The following IQCM variants were observed in gnomAD, a reference collection of about 807,000 sequenced individuals.
The protein encoded by IQCM is IQ domain-containing protein M.
Under a neutral mutation model 57.6 loss-of-function variants are expected in IQCM, and 45 were observed. That is an observed-to-expected ratio of 0.78 (90% CI 0.62 to 1.00). The LOEUF (loss-of-function observed/expected upper bound fraction) is 1.00, where lower values mean the gene tolerates loss of function less well. IQCM is among the 50% of genes least tolerant of loss of function. IQCM has a pLI of 0.00. For missense variants in IQCM, 468 were observed against 511.6 expected (o/e 0.91, Z 0.82); for synonymous variants, 148 against 158.9 (o/e 0.93, Z 0.51).
chr4:149,475,971 G>C lies in IQCM; in HGVS notation c.1229-42414C>G, dbSNP rs144075428. On this transcript the variant is annotated intron_variant, in intron 12 of 13. Transcript: ENST00000636793. The stretch of plus-strand genomic sequence containing the variant: ...GAGCGTGGATGACTCTTTCAAGAAA[G>C]TTTTGCTGCAAAAGAAGTGGCAGAT... Among the ~76,000 whole-genome samples the C allele has an allele frequency of 1.9e-3, 292 of 152,248 alleles. 2 individuals carry two copies. Among genetic ancestry groups the C allele is most frequent in the Middle Eastern group, 0.01 (3 of 294 alleles).
intron 13 of IQCM, among the ~76,000 whole-genome samples, chr4:149,353,892 A>G (rs1362220769): frequency 1.3e-5 from 2 of 152,150 alleles, no homozygotes; most frequent in Non-Finnish European, 2.9e-5. Context: ...ATACAATTGT[A>G]CCGTATTTGG....
chr4:149,764,684 A>G (rs1769869378), intron 2 of IQCM, among the ~76,000 whole-genome samples: 1 of 152,108 alleles, frequency 6.6e-6, no homozygotes, highest in Admixed American at 6.6e-5. Context: ...GGACAAAGGG[A>G]AAGTTTCCCC....
In IQCM at chr4:149,528,687, G is replaced by C. The variant is rs376778118; in HGVS notation, c.1228+19768C>G. On this transcript the variant is annotated intron_variant, in intron 12 of 13. Transcript: ENST00000636793. Reference sequence around the variant, plus strand: ...CTGGGTACAGAAAATGAGTATAAAAGTGTGAACATTGATGGAGGACTCCCC... The same window carrying C: ...CTGGGTACAGAAAATGAGTATAAAACTGTGAACATTGATGGAGGACTCCCC... Among the ~76,000 whole-genome samples the C allele has an allele frequency of 7.2e-4, 109 of 152,174 alleles. 4 individuals are homozygous for C. In the South Asian group the frequency reaches 0.022, roughly 31 times the overall value.
intron 2 of IQCM, among the ~76,000 whole-genome samples, chr4:149,764,182 A>C (rs1292374471): frequency 6.6e-6 from 1 of 152,104 alleles, no homozygotes; most frequent in Non-Finnish European, 1.5e-5. Flanking sequence ...GGTCCGTCTA[A>C]CCTTGTCTTA....
chr4:149,395,059 A>G (rs1322341047), intron 13 of IQCM, among the ~76,000 whole-genome samples: 1 of 152,076 alleles, frequency 6.6e-6, no homozygotes, highest in East Asian at 1.9e-4. Context: ...TAGGAAGAAC[A>G]CATGTCCACA....
chr4:149,752,816 T>C (rs1030342134), intron 2 of IQCM, among the ~76,000 whole-genome samples: 6 of 152,074 alleles, frequency 3.9e-5, no homozygotes, highest in Admixed American at 3.9e-4. Flanking sequence ...TAAAAATGAC[T>C]AGCTAAAAAG....
intron 13 of IQCM, among the ~76,000 whole-genome samples, chr4:149,428,195 C>T (rs898895920): frequency 1.3e-5 from 2 of 151,640 alleles, no homozygotes; most frequent in African/African-American, 4.8e-5. Context: ...AAATAAATTA[C>T]ATACACATCA....
chr4:149,524,575 A>G (rs1418383889), intron 12 of IQCM, among the ~76,000 whole-genome samples: 1 of 152,050 alleles, frequency 6.6e-6, no homozygotes, highest in African/African-American at 2.4e-5. Context: ...TTGTAAAGGG[A>G]GAACAACTAC....
chr4:149,559,293 C>T (rs950855000), intron 10 of IQCM, among the ~76,000 whole-genome samples: 3 of 152,114 alleles, frequency 2.0e-5, no homozygotes, highest in South Asian at 2.1e-4. Context: ...TAAAGGCATC[C>T]GTTCTCAGAC....
chr4:149,562,415 G>A (rs1415008066), intron 10 of IQCM, among the ~76,000 whole-genome samples: 4 of 152,178 alleles, frequency 2.6e-5, no homozygotes, highest in Admixed American at 1.3e-4. Context: ...AGACATCCAG[G>A]TTTATGGCTT....
At chr4:149,538,251 A>AG (rs1203437160) in intron 12 of IQCM, among the ~76,000 whole-genome samples, 1 of 151,826 alleles carries the variant, frequency 6.6e-6, no homozygotes, top group Non-Finnish European at 1.5e-5. Flanking sequence ...AGGAGGAGGG[A>AG]TGACAGGAAG....
intron 12 of IQCM, among the ~76,000 whole-genome samples, chr4:149,545,173 T>TA (rs1247014215): frequency 6.6e-6 from 1 of 151,948 alleles, no homozygotes. Flanking sequence ...GTTTCTATCA[T>TA]AAAAAAATAA....
chr4:149,631,644 A>C (rs2150094499), intron 7 of IQCM, among the ~76,000 whole-genome samples: 1 of 152,324 alleles, frequency 6.6e-6, no homozygotes, highest in South Asian at 2.1e-4. Context: ...ATTGTGCCAA[A>C]ATGTTAAAAG....
intron 13 of IQCM, among the ~76,000 whole-genome samples, chr4:149,381,093 G>A (rs1250041926): frequency 6.6e-6 from 1 of 151,992 alleles, no homozygotes; most frequent in East Asian, 1.9e-4. Flanking sequence ...TCTTTTGCAG[G>A]CTAAAACTAT....
intron 12 of IQCM, among the ~76,000 whole-genome samples, chr4:149,543,951 G>C (rs1748124585): frequency 6.6e-6 from 1 of 152,054 alleles, no homozygotes; most frequent in Admixed American, 6.6e-5. Context: ...CAGGTACTAG[G>C]ATATAGCAGT....
chr4:149,532,866 T>G (rs1746895616), intron 12 of IQCM, among the ~76,000 whole-genome samples: 1 of 152,110 alleles, frequency 6.6e-6, no homozygotes, highest in African/African-American at 2.4e-5. Context: ...GAAACATGTG[T>G]AATATAATCT....
chr4:149,544,594 T>G (rs1316797661), intron 12 of IQCM, among the ~76,000 whole-genome samples: 1 of 152,042 alleles, frequency 6.6e-6, no homozygotes, highest in East Asian at 1.9e-4. Context: ...TAAATAAACC[T>G]TGAGAAAGAA....
intron 2 of IQCM, among the ~76,000 whole-genome samples, chr4:149,810,503 A>T (rs182012273): frequency 2.1e-3 from 324 of 152,076 alleles, no homozygotes; most frequent in South Asian, 0.012. Flanking sequence ...AGGCTGGAGT[A>T]CAATGGTGCA....
Position 149,624,047 on chromosome 4 carries a change from A to G in IQCM, c.566-2803T>C, listed in dbSNP as rs963362287. On this transcript the variant is annotated intron_variant, in intron 7 of 13. Coordinates refer to ENST00000636793, the MANE Select transcript of IQCM (RefSeq NM_001363507.2). ...CATCAAAAAAATATTAATTCATGTTAGTGTGCTGCCTTTCTGCATATCTAA... is the reference window on the plus strand; with the variant it reads ...CATCAAAAAAATATTAATTCATGTTGGTGTGCTGCCTTTCTGCATATCTAA... Among the ~76,000 whole-genome samples, 22 of 152,176 alleles carry G rather than the reference A, an allele frequency of 1.4e-4. 1 individual carries two copies. Among genetic ancestry groups the G allele is most frequent in the African/African-American group, 5.1e-4 (21 of 41,512 alleles).
Sources: allele counts gnomAD v4.1 joint callset (sites outside exome capture counted in the v4.1 genomes callset), GRCh38; gene constraint gnomAD v4.1.1; transcripts MANE v1.5; gene names NCBI Gene and HGNC (gene_info 2026-07-23, HGNC 2026-07-21).